PCDH15: variants seen among roughly 807,000 people sequenced by gnomAD.
PCDH15 encodes protocadherin-15.
Under a neutral mutation model 178.5 loss-of-function variants are expected in PCDH15, and 129 were observed. The ratio of observed to expected loss-of-function variants is 0.72; its 90% confidence interval spans 0.63 to 0.84. PCDH15 has a LOEUF of 0.84. Ranked by LOEUF, PCDH15 falls within the 40% of genes least tolerant of loss-of-function variation. The pLI, the probability that PCDH15 is intolerant of heterozygous loss-of-function variation, is 0.00. For synonymous variants in PCDH15, 800 were observed against 732.0 expected, an observed-to-expected ratio of 1.09 and a Z score of -1.50; for missense variants, 2,230 against 2,099.9, an observed-to-expected ratio of 1.06 and a Z score of -1.21.
At chr10:55,087,507 ATTGT>A (rs1352812454) in intron 2 of PCDH15, among the ~76,000 whole-genome samples, 5 of 152,192 alleles carry the variant, frequency 3.3e-5, no homozygotes, top group Non-Finnish European at 5.9e-5. Context: ...ATGGAGAGAC[ATTGT>A]TTGTAGAGTT....
chr10:54,301,375 G>A (rs980706240), intron 8 of PCDH15, among the ~76,000 whole-genome samples: 1 of 152,170 alleles, frequency 6.6e-6, no homozygotes, highest in Non-Finnish European at 1.5e-5. Flanking sequence ...TGTACAAAAT[G>A]AATGAAATCT....
At chr10:54,811,979 T>C (rs1461178821) in intron 3 of PCDH15, among the ~76,000 whole-genome samples, 1 of 152,168 alleles carries the variant, frequency 6.6e-6, no homozygotes, top group Non-Finnish European at 1.5e-5. Flanking sequence ...TATACATCAA[T>C]AAATTATAAT....
intron 3 of PCDH15, among the ~76,000 whole-genome samples, chr10:54,884,376 G>A (rs896671752): frequency 6.6e-6 from 1 of 151,806 alleles, no homozygotes; most frequent in Non-Finnish European, 1.5e-5. Context: ...AAGATTTGAA[G>A]GAAAGCCAAA....
chr10:54,612,291 A>G (rs369055306), intron 2 of PCDH15, among the ~76,000 whole-genome samples: 9 of 151,884 alleles, frequency 5.9e-5, no homozygotes, highest in African/African-American at 1.9e-4. Context: ...AGCTCTGTAC[A>G]CATATATTTA....
intron 1 of PCDH15, among the ~76,000 whole-genome samples, chr10:55,301,781 C>A (rs1322837649): frequency 6.6e-6 from 1 of 152,092 alleles, no homozygotes; most frequent in African/African-American, 2.4e-5. Flanking sequence ...TTTGAGACTT[C>A]TGTTGAAATT....
intron 2 of PCDH15, chr10:54,585,530 T>C: frequency 4.0e-6 from 1 of 252,252 alleles, no homozygotes; most frequent in Non-Finnish European, 8.3e-6. Flanking sequence ...TTAATTTTTT[T>C]TAACTTCATA....
At chr10:54,764,401 T>G (rs1443351632) in intron 1 of PCDH15, among the ~76,000 whole-genome samples, 1 of 152,054 alleles carries the variant, frequency 6.6e-6, no homozygotes, top group Non-Finnish European at 1.5e-5. Context: ...TATGCAAAGG[T>G]GTGCCAGATT....
chr10:54,100,814 C>T (rs1174223439), intron 15 of PCDH15, among the ~76,000 whole-genome samples: 1 of 151,848 alleles, frequency 6.6e-6, no homozygotes, highest in Non-Finnish European at 1.5e-5. Flanking sequence ...AAATTCCCGG[C>T]AACCACTTAA....
intron 2 of PCDH15, among the ~76,000 whole-genome samples, chr10:54,599,454 T>C (rs878920403): frequency 2.6e-5 from 4 of 152,078 alleles, no homozygotes; most frequent in Admixed American, 6.6e-5. Context: ...TGGCTAGCCA[T>C]ATGCAGAGAT....
At chr10:54,289,509 C>T (rs551440539) in intron 8 of PCDH15, among the ~76,000 whole-genome samples, 74 of 152,284 alleles carry the variant, frequency 4.9e-4, no homozygotes, top group Non-Finnish European at 8.1e-4. Flanking sequence ...AATGCAGCTC[C>T]TCACCAGCAA....
chr10:54,934,779 C>T (rs961067331), intron 2 of PCDH15, among the ~76,000 whole-genome samples: 7 of 151,832 alleles, frequency 4.6e-5, no homozygotes, highest in African/African-American at 9.7e-5. Flanking sequence ...CACATGCACA[C>T]GTATGTTTAT....
intron 2 of PCDH15, among the ~76,000 whole-genome samples, chr10:54,949,889 C>G (rs572731075): frequency 2.6e-5 from 4 of 152,110 alleles, no homozygotes; most frequent in African/African-American, 9.6e-5. Context: ...GAGACCATCT[C>G]AGTCTAGGCT....
At chr10:54,401,223 G>C (rs1371755754) in intron 3 of PCDH15, among the ~76,000 whole-genome samples, 1 of 151,860 alleles carries the variant, frequency 6.6e-6, no homozygotes, top group Non-Finnish European at 1.5e-5. Context: ...GTCACTTTCT[G>C]TAAAGGCTTT....
chr10:54,019,057 T>C (rs2092829805), intron 20 of PCDH15, among the ~76,000 whole-genome samples: 2 of 152,104 alleles, frequency 1.3e-5, no homozygotes, highest in Admixed American at 6.6e-5. Context: ...ATCTTCTGTC[T>C]TTTTCCTCCC....
chr10:55,278,268 TA>T (rs1458643348), intron 1 of PCDH15, among the ~76,000 whole-genome samples: 1 of 152,196 alleles, frequency 6.6e-6, no homozygotes, highest in Non-Finnish European at 1.5e-5. Flanking sequence ...AAAAAAAAGT[TA>T]AAAACCTAAA....
rs1566222705 is a variant in PCDH15 at position 54,779,486 on chromosome 10, A to ATGTATATATATACACACATATATGTGTG, written c.-29+21411_-29+21438dup. ...TGTGTATATATATACACACATATATATGTATATATATACACACATATATGT... is the reference window on the plus strand; with the variant it reads ...TGTGTATATATATACACACATATATATGTATATATATACACACATATATGTGTGTGTATATATATACACACATATATGT... On this transcript the variant is annotated intron_variant, in intron 1 of 37. Coordinates refer to ENST00000644397, the MANE Select transcript of PCDH15 (RefSeq NM_001384140.1). Among the ~76,000 whole-genome samples, 17 of 13,478 alleles carry ATGTATATATATACACACATATATGTGTG rather than the reference A, an allele frequency of 1.3e-3. 1 individual carries two copies. The highest frequency in any genetic ancestry group is 2.0e-3 in the African/African-American group (15 of 7,640). The allele number at this position is 13,478 out of a possible 152,430, so 8.8% of individuals were successfully genotyped here. A position where few individuals can be genotyped will look rare whatever the true frequency, so the allele number is the denominator to read the frequency against.
At chr10:55,275,839 A>C (rs1842581575) in intron 1 of PCDH15, among the ~76,000 whole-genome samples, 1 of 151,588 alleles carries the variant, frequency 6.6e-6, no homozygotes, top group African/African-American at 2.4e-5. Flanking sequence ...TGACTCTATT[A>C]ATCAATTTAA....
intron 15 of PCDH15, among the ~76,000 whole-genome samples, chr10:54,122,354 A>C (rs2041608914): frequency 6.6e-6 from 1 of 152,086 alleles, no homozygotes; most frequent in Non-Finnish European, 1.5e-5. Flanking sequence ...ACTAGGCATC[A>C]GAGGTACATA....
At chr10:54,071,569 T>A (rs914838093) in intron 17 of PCDH15, among the ~76,000 whole-genome samples, 1 of 152,180 alleles carries the variant, frequency 6.6e-6, no homozygotes, top group African/African-American at 2.4e-5. Context: ...TGTGTGCATC[T>A]CATAGCACAG....
Sources: gnomAD v4.1 joint callset for allele counts (sites outside exome capture counted in the v4.1 genomes callset) on GRCh38, gnomAD v4.1.1 for gene constraint, MANE v1.5 for transcripts, NCBI Gene and HGNC (gene_info 2026-07-23, HGNC 2026-07-21) for gene names.